The following HPSE2 variants were observed in gnomAD, a reference collection of about 807,000 sequenced individuals.
HPSE2 encodes inactive heparanase-2.
Under a neutral mutation model 60.5 loss-of-function variants are expected in HPSE2, and 38 were observed. That is an observed-to-expected ratio of 0.63 (90% CI 0.48 to 0.82). The LOEUF (loss-of-function observed/expected upper bound fraction) is 0.82. Ranked by LOEUF, HPSE2 falls within the 40% of genes least tolerant of loss-of-function variation. The pLI, the probability that HPSE2 is intolerant of heterozygous loss-of-function variation, is 0.00. For missense variants in HPSE2, 713 were observed against 740.4 expected (o/e 0.96, Z 0.43); for synonymous variants, 295 against 293.2 (o/e 1.01, Z -0.06).
chr10:98,457,497 G>T lies in HPSE2; in HGVS notation c.*2077C>A, dbSNP rs1192206385. ...ACGCAAAGCAAACCATAGGTCCCCA[G>T]GGCCAGGCTCTTAGGGACCTTTGGT... On this transcript the variant is annotated 3_prime_UTR_variant, in exon 12 of 12. Coordinates refer to ENST00000370552, the MANE Select transcript of HPSE2 (RefSeq NM_021828.5). The T allele has an allele frequency of 6.6e-6, 1 of 152,228 alleles. No individual in the cohort carries two copies. Among genetic ancestry groups the T allele is most frequent in the African/African-American group, 2.4e-5 (1 of 41,444 alleles). The allele number at this position is 152,228 out of a possible 1,614,324, so 9.4% of individuals were successfully genotyped here.
chr10:98,811,905 C>G (rs1358586808), intron 3 of HPSE2, among the ~76,000 whole-genome samples: 1 of 152,080 alleles, frequency 6.6e-6, no homozygotes, highest in African/African-American at 2.4e-5. Context: ...TATACCTAGT[C>G]ATTTCATGGT....
chr10:98,705,256 A>G (rs1448384979), intron 5 of HPSE2, among the ~76,000 whole-genome samples: 1 of 152,204 alleles, frequency 6.6e-6, no homozygotes, highest in African/African-American at 2.4e-5. Context: ...TCAAGAAACA[A>G]TAGATGCTGG....
the HPSE2 span, among the ~76,000 whole-genome samples, chr10:99,287,608 T>C: frequency 6.6e-6 from 1 of 152,114 alleles, no homozygotes; most frequent in Non-Finnish European, 1.5e-5. Flanking sequence ...TTGCAGCAGA[T>C]CCTCTTAAAT....
In HPSE2 at chr10:98,972,048, G is replaced by A. The variant is rs1214541740; in HGVS notation, c.610+172190C>T. Among the ~76,000 whole-genome samples, 6 of 151,902 alleles carry A rather than the reference G, an allele frequency of 3.9e-5. No homozygotes were observed. The South Asian group carries it at 6.2e-4, about 16-fold the overall frequency. On this transcript the variant is annotated intron_variant, in intron 3 of 11. Transcript: ENST00000370552. ...AATAGTTTTTAAATTATATCCCCTC[G>A]AGCCTTTCAACGTATGGCATTATCA...
chr10:98,675,362 C>T (rs1355578103), intron 6 of HPSE2, among the ~76,000 whole-genome samples: 1 of 152,064 alleles, frequency 6.6e-6, no homozygotes, highest in Non-Finnish European at 1.5e-5. Flanking sequence ...AATTCAAAAC[C>T]AGATAGTCTG....
the HPSE2 span, among the ~76,000 whole-genome samples, chr10:99,305,976 C>CGT: frequency 4.7e-5 from 6 of 127,274 alleles, no homozygotes; most frequent in Admixed American, 3.8e-4. Context: ...CGCGCGCGCG[C>CGT]GCGCACACAC....
At chr10:98,597,335 C>T (rs530991029) in intron 9 of HPSE2, among the ~76,000 whole-genome samples, 1 of 152,022 alleles carries the variant, frequency 6.6e-6, no homozygotes, top group Admixed American at 6.6e-5. Context: ...AATTTCTATT[C>T]CTTTGTCCCT....
intron 9 of HPSE2, among the ~76,000 whole-genome samples, chr10:98,588,376 G>A (rs572769274): frequency 6.6e-6 from 1 of 152,264 alleles, no homozygotes; most frequent in African/African-American, 2.4e-5. Flanking sequence ...AGGCATGCAA[G>A]TGTTTGACTT....
At chr10:99,269,935 A>T in the HPSE2 span, among the ~76,000 whole-genome samples, 2 of 152,262 alleles carry the variant, frequency 1.3e-5, no homozygotes, top group African/African-American at 4.8e-5. Context: ...ACTGAACAAT[A>T]ATAGTGACAT....
At chr10:98,602,469 G>A (rs1023197495) in intron 9 of HPSE2, among the ~76,000 whole-genome samples, 1 of 152,038 alleles carries the variant, frequency 6.6e-6, no homozygotes, top group African/African-American at 2.4e-5. Context: ...AACCAGTCTT[G>A]AAAAAGAACA....
At chr10:99,004,371 G>A (rs1169630182) in intron 3 of HPSE2, among the ~76,000 whole-genome samples, 1 of 151,702 alleles carries the variant, frequency 6.6e-6, no homozygotes, top group Non-Finnish European at 1.5e-5. Context: ...GCAGTTAAGT[G>A]ATTTTTCTCT....
chr10:99,221,872 A>C (rs934142124), intron 2 of HPSE2, among the ~76,000 whole-genome samples: 1 of 152,150 alleles, frequency 6.6e-6, no homozygotes, highest in Non-Finnish European at 1.5e-5. Flanking sequence ...TTGAGCTAGC[A>C]GACAAGGGAT....
chr10:98,544,787 C>T (rs1303550766), intron 9 of HPSE2, among the ~76,000 whole-genome samples: 1 of 147,950 alleles, frequency 6.8e-6, no homozygotes, highest in East Asian at 2.0e-4. Context: ...TAGCAGAACG[C>T]AAGAAATAAC....
chr10:98,490,170 C>G lies in HPSE2; in HGVS notation c.1347G>C (p.Lys449Asn). Residue 449 changes from lysine (K) to asparagine (N), a missense_variant, in exon 10 of 12, where the codon AAG becomes AAC. Lys to Asn is a moderately conservative substitution (Grantham distance 94). Transcript: ENST00000370552. ...CCAAGACTTTGGGGCCGATCAGGCGCTTGTAGAGGAGAGAGAGCCAGTAGT... is the reference window on the plus strand; with the variant it reads ...CCAAGACTTTGGGGCCGATCAGGCGGTTGTAGAGGAGAGAGAGCCAGTAGT... ...LPDYWLSLLY[K>N]RLIGPKVLAV... The G allele has an allele frequency of 6.2e-7, 1 of 1,614,124 alleles. No homozygotes were observed.
chr10:98,847,585 T>G (rs766848882), intron 3 of HPSE2, among the ~76,000 whole-genome samples: 2 of 152,176 alleles, frequency 1.3e-5, no homozygotes, highest in Non-Finnish European at 2.9e-5. Flanking sequence ...AAGTGTAAAT[T>G]CAGTGGGAAA....
chr10:98,683,399 T>C (rs892376343), intron 6 of HPSE2, among the ~76,000 whole-genome samples: 22 of 118,742 alleles, frequency 1.9e-4, no homozygotes. Flanking sequence ...AGAAAGCAAC[T>C]GAGTGGAGAA....
At chr10:98,540,342 G>A (rs1943420229) in intron 9 of HPSE2, among the ~76,000 whole-genome samples, 1 of 152,148 alleles carries the variant, frequency 6.6e-6, no homozygotes, top group African/African-American at 2.4e-5. Flanking sequence ...TGTGAATTTT[G>A]AGCAAGGTCA....
intron 2 of HPSE2, among the ~76,000 whole-genome samples, chr10:99,160,034 G>T (rs140214508): frequency 6.6e-6 from 1 of 151,716 alleles, no homozygotes; most frequent in African/African-American, 2.4e-5. Context: ...CCAGCGACTC[G>T]GGAGGCTGAA....
chr10:98,678,817 C>A (rs1055983490), intron 6 of HPSE2, among the ~76,000 whole-genome samples: 3 of 151,262 alleles, frequency 2.0e-5, no homozygotes, highest in African/African-American at 7.3e-5. Context: ...AAAAATAATC[C>A]TAGAGAGAGA....
Sources: gnomAD v4.1 joint callset for allele counts (sites outside exome capture counted in the v4.1 genomes callset) on GRCh38, gnomAD v4.1.1 for gene constraint, MANE v1.5 for transcripts, NCBI Gene and HGNC (gene_info 2026-07-23, HGNC 2026-07-21) for gene names.